SLC19A3: variants seen among roughly 807,000 people sequenced by gnomAD.
SLC19A3 encodes solute carrier family 19 member 3.
A neutral mutation model predicts 40.2 loss-of-function variants in SLC19A3; 31 were observed. The observed-to-expected ratio is 0.77, with a 90% CI of 0.58 to 1.04. The LOEUF is 1.04. Among genes scored for constraint, SLC19A3 ranks in the 50% least tolerant of loss-of-function variants. The pLI, the probability that SLC19A3 is intolerant of heterozygous loss-of-function variation, is 0.00. For missense variants in SLC19A3, 592 were observed against 596.7 expected, an observed-to-expected ratio of 0.99 and a Z score of 0.08; for synonymous variants, 212 against 227.5, an observed-to-expected ratio of 0.93 and a Z score of 0.61.
intron 1 of SLC19A3, among the ~76,000 whole-genome samples, chr2:227,709,032 T>A (rs1268235315): frequency 1.3e-5 from 2 of 152,224 alleles, no homozygotes; most frequent in Non-Finnish European, 2.9e-5. Flanking sequence ...ATTTGGACCT[T>A]ATTTAAATTT....
chr2:227,714,625 AG>A, intron 1 of SLC19A3: 1 of 983,816 alleles, frequency 1.0e-6, no homozygotes, highest in Non-Finnish European at 1.2e-6. Flanking sequence ...CTTTATACGC[AG>A]AAGCCCATCC....
At chr2:227,690,948 ATC>A (rs1268657040) in intron 4 of SLC19A3, among the ~76,000 whole-genome samples, 1 of 152,150 alleles carries the variant, frequency 6.6e-6, no homozygotes, top group African/African-American at 2.4e-5. Flanking sequence ...AGAACTTTTC[ATC>A]CAATGGCCAC....
Position 227,684,310 on chromosome 2 carries a change from C to A in SLC19A3, c.*3087G>T, listed in dbSNP as rs1694944120. On this transcript the variant is annotated 3_prime_UTR_variant, in exon 6 of 6. Transcript: ENST00000644224. ...GTTATAGGTGAATATGTGAAGGAAT[C>A]ATAATGCATTTTTTAATCCACTTTG... 2 of 151,918 alleles carry A rather than the reference C, an allele frequency of 1.3e-5. No individual in the cohort carries two copies. Among genetic ancestry groups the A allele is most frequent in the South Asian group, 2.1e-4 (1 of 4,820 alleles). 9.4% of individuals were successfully genotyped at this position (151,918 alleles called of 1,614,324 possible). A position where few individuals can be genotyped will look rare whatever the true frequency, so the allele number is the denominator to read the frequency against.
intron 1 of SLC19A3, among the ~76,000 whole-genome samples, chr2:227,709,087 A>G (rs1313236513): frequency 6.6e-6 from 1 of 152,182 alleles, no homozygotes; most frequent in East Asian, 1.9e-4. Flanking sequence ...GGTTGTCTGT[A>G]TCTATCTCTA....
At chr2:227,698,684 T>G in intron 3 of SLC19A3, 52 bp downstream of exon 3, 1 of 1,492,892 alleles carries the variant, frequency 6.7e-7, no homozygotes, top group Non-Finnish European at 9.3e-7. Context: ...CCTGGAGGAA[T>G]GGACTTAAGC....
At chr2:227,699,779 A>G (rs1695605636) in intron 2 of SLC19A3, among the ~76,000 whole-genome samples, 1 of 152,200 alleles carries the variant, frequency 6.6e-6, no homozygotes, top group Non-Finnish European at 1.5e-5. Context: ...CGGCAGAAAA[A>G]TATATTGGCT....
chr2:227,715,150 A>G (rs1309774097), intron 1 of SLC19A3, among the ~76,000 whole-genome samples: 1 of 150,624 alleles, frequency 6.6e-6, no homozygotes, highest in Non-Finnish European at 1.5e-5. Flanking sequence ...AAAGTCACCT[A>G]ATTTAGCTTC....
chr2:227,695,778 A>C, intron 4 of SLC19A3, 111 bp downstream of exon 4: 2 of 1,065,758 alleles, frequency 1.9e-6, no homozygotes, highest in Non-Finnish European at 2.9e-6. Context: ...AAAGCAGTCA[A>C]CATTTAATAT....
intron 1 of SLC19A3, among the ~76,000 whole-genome samples, chr2:227,715,616 C>G (rs1157277598): frequency 6.6e-6 from 1 of 152,130 alleles, no homozygotes; most frequent in Non-Finnish European, 1.5e-5. Context: ...GTAAATTAAT[C>G]ATTTCCTTCC....
rs1695055799 is a variant in SLC19A3, at chr2:227,687,414, T to G, written c.1474A>C (p.Met492Leu). Residue 492 changes from methionine (M) to leucine (L), a missense_variant, in exon 6 of 6, where the codon ATG becomes CTG. Physicochemically the swap from Met to Leu is conservative, Grantham distance 15 (BLOSUM62 2). Transcript: ENST00000644224. ...SHPEEESNII[M>L]STKL ...CGATGAGGTTAGAGTTTTGTTGACA[T>G]GATGATATTACTCTCTTCCTCTGGG... 2 of 1,610,722 alleles carry G rather than the reference T, an allele frequency of 1.2e-6. No individual in the cohort carries two copies. Among genetic ancestry groups the G allele is most frequent in the African/African-American group, 1.3e-5 (1 of 74,846 alleles).
intron 1 of SLC19A3, among the ~76,000 whole-genome samples, chr2:227,713,401 T>TAAA (rs56014411): frequency 3.6e-5 from 4 of 110,582 alleles, no homozygotes; most frequent in African/African-American, 1.4e-4. Flanking sequence ...GACCCTGTTG[T>TAAA]AAAAAAAAAA....
intron 2 of SLC19A3, chr2:227,701,038 C>T (rs529383080): frequency 6.1e-6 from 8 of 1,304,232 alleles, no homozygotes; most frequent in South Asian, 2.5e-5. Context: ...GAAGCAGAAC[C>T]CAGTGGATTC....
intron 1 of SLC19A3, among the ~76,000 whole-genome samples, chr2:227,711,722 A>G (rs887463074): frequency 1.4e-4 from 22 of 152,262 alleles, no homozygotes; most frequent in African/African-American, 4.8e-4. Flanking sequence ...TCAAAAAGCC[A>G]CATCTGCTTA....
At position 227,687,219 on chromosome 2, in the gene SLC19A3, A is replaced by C. The variant is rs1210876339; in HGVS notation, c.*178T>G. The C allele has an allele frequency of 3.4e-6, 2 of 592,538 alleles. No homozygotes were observed. Among genetic ancestry groups the C allele is most frequent in the Non-Finnish European group, 5.8e-6 (2 of 347,806 alleles). The allele number at this position is 592,538 out of a possible 1,614,324, so 36.7% of individuals were successfully genotyped here. ...GGGTCCTGTCAATTGCATCCAGTAA[A>C]ATTGGTCACATAGAGAACTCATCTA... On this transcript the variant is annotated 3_prime_UTR_variant, in exon 6 of 6. Coordinates refer to ENST00000644224, the MANE Select transcript of SLC19A3 (RefSeq NM_025243.4).
At position 227,687,413 on chromosome 2, in the gene SLC19A3, A is replaced by AT. The variant is rs748591506; in HGVS notation, c.1474dup (p.Met492AsnfsTer27). ...GCGATGAGGTTAGAGTTTTGTTGAC[A>AT]TGATGATATTACTCTCTTCCTCTGG... On this transcript the variant is annotated frameshift_variant, in exon 6 of 6. Coordinates refer to ENST00000644224, the MANE Select transcript of SLC19A3 (RefSeq NM_025243.4). LOFTEE classifies it high-confidence loss of function. 5 of 1,610,114 alleles carry AT rather than the reference A, an allele frequency of 3.1e-6. No homozygotes were observed. Among genetic ancestry groups the AT allele is most frequent in the Non-Finnish European group, 4.2e-6 (5 of 1,177,210 alleles).
chr2:227,687,910 G>A (rs1695080123), intron 5 of SLC19A3, among the ~76,000 whole-genome samples: 1 of 152,142 alleles, frequency 6.6e-6, no homozygotes, highest in African/African-American at 2.4e-5. Flanking sequence ...TTGGAGGCTG[G>A]TGCAATGCTA....
chr2:227,685,657 C>T lies in SLC19A3; in HGVS notation c.*1740G>A, dbSNP rs12105323. 1 of 152,336 alleles carries T rather than the reference C, an allele frequency of 6.6e-6. No individual in the cohort carries two copies. The highest frequency in any genetic ancestry group is 6.5e-5 in the Admixed American group (1 of 15,292). The allele number at this position is 152,336 out of a possible 1,614,324, so 9.4% of individuals were successfully genotyped here. A position where few individuals can be genotyped will look rare whatever the true frequency, so the allele number is the denominator to read the frequency against. ...CATACCCCTACCCTCAAATTAACCTCTCACTTCAGCCTCCCAAAATGCTGG... is the reference window on the plus strand; with the variant it reads ...CATACCCCTACCCTCAAATTAACCTTTCACTTCAGCCTCCCAAAATGCTGG... On this transcript the variant is annotated 3_prime_UTR_variant, in exon 6 of 6. Transcript: ENST00000644224.
rs142837989 is a variant in SLC19A3, at chr2:227,699,406, C to T, written c.309G>A (p.Val103=). Residue 103 remains valine, a synonymous_variant, in exon 3 of 6, where the codon GTG becomes GTA. Coordinates refer to ENST00000644224, the MANE Select transcript of SLC19A3 (RefSeq NM_025243.4). The part of the protein sequence containing the change: ...TWLLLLFGQG[V]KTMQVVEFFY... ...AGAACTCTACAACCTGCATGGTCTT[C>T]ACTCCTTGGCCAAACAACAGCAGCA... The T allele has an allele frequency of 7.6e-3, 12,189 of 1,614,170 alleles. 84 individuals carry two copies. The highest frequency in any genetic ancestry group is 8.1e-3 in the Non-Finnish European group (9,601 of 1,180,040).
intron 1 of SLC19A3, among the ~76,000 whole-genome samples, chr2:227,712,453 C>T (rs1696175995): frequency 6.6e-6 from 1 of 152,160 alleles, no homozygotes. Flanking sequence ...AGATACTCAA[C>T]ATAAGTAATC....
Sources: gnomAD v4.1 joint callset for allele counts (sites outside exome capture counted in the v4.1 genomes callset) on GRCh38, gnomAD v4.1.1 for gene constraint, MANE v1.5 for transcripts, NCBI Gene and HGNC (gene_info 2026-07-23, HGNC 2026-07-21) for gene names.